SSBP2: variants seen among roughly 807,000 people sequenced by gnomAD.
SSBP2 encodes the protein single stranded DNA binding protein 2, also known as single-stranded DNA-binding protein 2.
A neutral mutation model predicts 61.8 loss-of-function variants in SSBP2; 17 were observed. The ratio of observed to expected loss-of-function variants is 0.28; its 90% CI spans 0.19 to 0.41. The LOEUF is 0.41. SSBP2 is among the 10% of genes least tolerant of loss of function. SSBP2 has a pLI of 1.00. For synonymous variants in SSBP2, 139 were observed against 141.3 expected (o/e 0.98, Z 0.12); for missense variants, 310 against 458.7 (o/e 0.68, Z 2.96).
chr5:81,716,028 G>A (rs973654710), intron 1 of SSBP2, among the ~76,000 whole-genome samples: 10 of 151,810 alleles, frequency 6.6e-5, no homozygotes, highest in African/African-American at 2.4e-4. Context: ...CTGCACTTCA[G>A]CCTGGGTGAC....
At chr5:81,496,126 G>T (rs1210571204) in intron 5 of SSBP2, among the ~76,000 whole-genome samples, 1 of 152,108 alleles carries the variant, frequency 6.6e-6, no homozygotes, top group African/African-American at 2.4e-5. Flanking sequence ...GGACTTTTTT[G>T]AGGATAAAAT....
intron 1 of SSBP2, among the ~76,000 whole-genome samples, chr5:81,731,328 A>G (rs1756250494): frequency 6.6e-6 from 1 of 152,228 alleles, no homozygotes; most frequent in Non-Finnish European, 1.5e-5. Flanking sequence ...AAAAATAGTA[A>G]TAATAATGAC....
chr5:81,646,638 G>T, intron 2 of SSBP2, among the ~76,000 whole-genome samples: 1 of 140,848 alleles, frequency 7.1e-6, no homozygotes, highest in South Asian at 2.3e-4. Context: ...TACCATCCAT[G>T]GTTAGGGCAA....
chr5:81,464,583 T>G (rs1764766722), intron 9 of SSBP2, among the ~76,000 whole-genome samples: 1 of 152,164 alleles, frequency 6.6e-6, no homozygotes, highest in Non-Finnish European at 1.5e-5. Flanking sequence ...GAATATAGTC[T>G]TTAATTACTT....
At chr5:81,468,662 T>C (rs1025074538) in intron 8 of SSBP2, among the ~76,000 whole-genome samples, 2 of 151,996 alleles carry the variant, frequency 1.3e-5, no homozygotes, top group Admixed American at 6.6e-5. Context: ...GGCCTTTAAG[T>C]AGTAGGTGCT....
chr5:81,659,930 G>A (rs756710540), intron 1 of SSBP2, among the ~76,000 whole-genome samples: 9 of 151,368 alleles, frequency 5.9e-5, no homozygotes, highest in Non-Finnish European at 1.3e-4. Flanking sequence ...AACAATCAAT[G>A]GGGATAAAAA....
At chr5:81,713,207 TAC>T (rs1277725459) in intron 1 of SSBP2, among the ~76,000 whole-genome samples, 1 of 152,084 alleles carries the variant, frequency 6.6e-6, no homozygotes, top group Non-Finnish European at 1.5e-5. Flanking sequence ...AAATTTGCAG[TAC>T]CAGGTACCTC....
chr5:81,743,737 CT>C (rs1320069116), intron 1 of SSBP2, among the ~76,000 whole-genome samples: 4 of 152,136 alleles, frequency 2.6e-5, no homozygotes, highest in African/African-American at 9.7e-5. Flanking sequence ...AAAAGTTTTC[CT>C]CCCTGATTGG....
At chr5:81,699,006 A>T (rs972880888) in intron 1 of SSBP2, among the ~76,000 whole-genome samples, 6 of 152,220 alleles carry the variant, frequency 3.9e-5, no homozygotes, top group Admixed American at 3.9e-4. Context: ...ACTACAATAA[A>T]GTGAGTCACA....
chr5:81,656,806 A>C (rs566465739), intron 1 of SSBP2, among the ~76,000 whole-genome samples: 1 of 152,322 alleles, frequency 6.6e-6, no homozygotes, highest in South Asian at 2.1e-4. Context: ...AACTTTAAAA[A>C]CATTAAAGTA....
intron 9 of SSBP2, among the ~76,000 whole-genome samples, chr5:81,461,602 CCA>C (rs1370115992): frequency 6.8e-6 from 1 of 147,228 alleles, no homozygotes; most frequent in Non-Finnish European, 1.5e-5. Flanking sequence ...TAAAAAAAAA[CCA>C]CAGAGTATCA....
intron 10 of SSBP2, among the ~76,000 whole-genome samples, chr5:81,450,632 C>T (rs1763708747): frequency 1.3e-5 from 2 of 152,118 alleles, no homozygotes. Flanking sequence ...TTTCTTATTC[C>T]TCATGACACT....
At chr5:81,540,789 G>C (rs760943691) in intron 4 of SSBP2, among the ~76,000 whole-genome samples, 7 of 152,058 alleles carry the variant, frequency 4.6e-5, no homozygotes, top group Non-Finnish European at 1.0e-4. Flanking sequence ...GTGGTGCTCT[G>C]AAACCAAACT....
At chr5:81,675,804 A>G (rs1751928742) in intron 1 of SSBP2, among the ~76,000 whole-genome samples, 1 of 152,054 alleles carries the variant, frequency 6.6e-6, no homozygotes, top group Admixed American at 6.6e-5. Flanking sequence ...AAAACATCAA[A>G]TCACTCCCTA....
rs1404166916 is a variant in SSBP2 at position 81,619,509 on chromosome 5, G to A, written c.198-3952C>T. 3.7e-3 allele frequency among the ~76,000 whole-genome samples: 536 copies of A among 143,896 alleles called. 4 individuals carry two copies. The highest frequency in any genetic ancestry group is 0.013 in the African/African-American group (513 of 38,062). 94.4% of individuals were successfully genotyped at this position (143,896 alleles called of 152,430 possible). ...TCCAGGACCAGATGGATTCACAGCC[G>A]AATTCTACCAGAGGTACAGGGAGGA... is the stretch of plus-strand genomic sequence containing the variant. On this transcript the variant is annotated intron_variant, in intron 3 of 16. Coordinates refer to ENST00000320672, the MANE Select transcript of SSBP2 (RefSeq NM_012446.5).
At chr5:81,496,476 G>A (rs552039322) in intron 5 of SSBP2, among the ~76,000 whole-genome samples, 4 of 152,034 alleles carry the variant, frequency 2.6e-5, no homozygotes, top group East Asian at 3.9e-4. Flanking sequence ...CACAGCACCC[G>A]GCCAGAACTT....
intron 4 of SSBP2, among the ~76,000 whole-genome samples, chr5:81,552,017 CTG>C (rs370773726): frequency 2.2e-4 from 33 of 152,186 alleles, no homozygotes; most frequent in African/African-American, 7.2e-4. Context: ...ACTTCACACA[CTG>C]TGATCTCACT....
At chr5:81,428,793 A>G in intron 15 of SSBP2, 110 bp from the exon 16 acceptor site, 1 of 686,534 alleles carries the variant, frequency 1.5e-6, no homozygotes, top group Non-Finnish European at 2.5e-6. Flanking sequence ...GCATACTTCT[A>G]ATTTTAATCT....
intron 4 of SSBP2, among the ~76,000 whole-genome samples, chr5:81,563,614 G>C (rs1458792842): frequency 6.6e-6 from 1 of 152,152 alleles, no homozygotes; most frequent in Non-Finnish European, 1.5e-5. Context: ...AGCATATTCA[G>C]TCAACTGATA....
Sources: allele counts gnomAD v4.1 joint callset (sites outside exome capture counted in the v4.1 genomes callset), GRCh38; gene constraint gnomAD v4.1.1; transcripts MANE v1.5; gene names NCBI Gene and HGNC (gene_info 2026-07-23, HGNC 2026-07-21).